The following TRIM29 variants were observed in gnomAD, a reference collection of about 807,000 sequenced individuals.
The protein encoded by TRIM29 is tripartite motif-containing protein 29.
A neutral mutation model predicts 57.3 loss-of-function variants in TRIM29; 52 were observed. That is an observed-to-expected ratio of 0.91 (90% CI 0.73 to 1.14). TRIM29 has a LOEUF of 1.14. Ranked by LOEUF, TRIM29 falls within the 50% of genes most tolerant of loss-of-function variation. The pLI, the probability that TRIM29 is intolerant of heterozygous loss-of-function variation, is 0.00. For missense variants in TRIM29, 753 were observed against 774.6 expected (o/e 0.97, Z 0.33); for synonymous variants, 319 against 316.9 (o/e 1.01, Z -0.07).
chr11:120,113,688 G>A (rs1398557308), intron 8 of TRIM29: 1 of 456,134 alleles, frequency 2.2e-6, no homozygotes, highest in African/African-American at 2.0e-5. Context: ...GAGACCCAGG[G>A]AGGGGTAAGA....
intron 1 of TRIM29, among the ~76,000 whole-genome samples, chr11:120,131,016 G>A (rs569802429): frequency 2.0e-5 from 3 of 152,306 alleles, no homozygotes; most frequent in African/African-American, 7.2e-5. Context: ...GGGAAGCGTA[G>A]CTCATGGATA....
intron 8 of TRIM29, among the ~76,000 whole-genome samples, chr11:120,113,296 T>C (rs1459111439): frequency 1.3e-5 from 2 of 152,152 alleles, no homozygotes; most frequent in East Asian, 1.9e-4. Context: ...TATCTCCCAG[T>C]AATTTCATGA....
At chr11:120,112,567 G>C in intron 8 of TRIM29, 91 bp from the exon 9 acceptor site, 1 of 1,406,180 alleles carries the variant, frequency 7.1e-7, no homozygotes. Flanking sequence ...TCAGGAGGCA[G>C]CAGTGATCCA....
chr11:120,125,873 A>C lies in TRIM29; in HGVS notation c.1151T>G (p.Met384Arg). 1 of 1,613,200 alleles carries C rather than the reference A, an allele frequency of 6.2e-7. No individual in the cohort carries two copies. The highest frequency in any genetic ancestry group is 1.3e-5 in the African/African-American group (1 of 75,028). The change falls in exon 4 of 9, where the codon ATG becomes AGG. Residue 384 changes from methionine (M) to arginine (R), a missense_variant. Coordinates refer to ENST00000341846, the MANE Select transcript of TRIM29 (RefSeq NM_012101.4). ...VLFLQEFGAL[M>R]SNYSLPPPLP... ...GGGTGGGGGGAGAGAGTAATTGCTCATCAATGCACCAAATTCCTACCAAGA... is the reference window on the plus strand; with the variant it reads ...GGGTGGGGGGAGAGAGTAATTGCTCCTCAATGCACCAAATTCCTACCAAGA...
Position 120,128,378 on chromosome 11 carries a change from G to C in TRIM29, c.900+22C>G, listed in dbSNP as rs773672823. On this transcript the variant is annotated intron_variant, in intron 2 of 8. Coordinates refer to ENST00000341846, the MANE Select transcript of TRIM29 (RefSeq NM_012101.4). ...GCCAGGTCGGGTAAGGGAGCAGCAAGGTGAGCTTGGGGGCTGCTCACCTTG... is the reference window on the plus strand; with the variant it reads ...GCCAGGTCGGGTAAGGGAGCAGCAACGTGAGCTTGGGGGCTGCTCACCTTG... 2.5e-6 allele frequency: 4 copies of C among 1,608,326 alleles called. No individual in the cohort carries two copies. In the South Asian group the frequency reaches 3.3e-5, roughly 13 times the overall value.
chr11:120,123,179 G>T, intron 4 of TRIM29, 124 bp from the exon 5 acceptor site: 1 of 707,342 alleles, frequency 1.4e-6, no homozygotes, highest in Non-Finnish European at 2.3e-6. Flanking sequence ...GCAGATCCAA[G>T]TTTCCCCAAC....
chr11:120,137,837 A>T lies in TRIM29; in HGVS notation c.195T>A (p.Gly65=). The part of the protein sequence containing the change: ...SLGSALKPGE[G]RSALFAGNEW... The stretch of plus-strand genomic sequence containing the variant: ...CATTGCCCGCGAACAGGGCGCTCCT[A>T]CCTTCCCCTGGCTTCAGGGCGCTGC... Residue 65 remains glycine, a synonymous_variant, in exon 1 of 9, where the codon GGT becomes GGA. Transcript: ENST00000341846. The surrounding 1 kb of genome is among the most constrained non-coding windows in gnomAD (Gnocchi z 6.2). 1 of 1,612,132 alleles carries T rather than the reference A, an allele frequency of 6.2e-7. No individual in the cohort carries two copies. The highest frequency in any genetic ancestry group is 8.5e-7 in the Non-Finnish European group (1 of 1,179,966).
In TRIM29 at chr11:120,125,712, C is replaced by T; in HGVS notation, c.1312G>A (p.Glu438Lys). The change falls in exon 4 of 9, where the codon GAG (glutamate) becomes AAG (lysine). Residue 438 changes from glutamate to lysine, a missense_variant. Physicochemically the swap from Glu to Lys is moderately conservative, Grantham distance 56. Coordinates refer to ENST00000341846, the MANE Select transcript of TRIM29 (RefSeq NM_012101.4). The part of the protein sequence containing the change: ...CKADLSRNFI[E>K]RNHMENGGDH... ...CTACCGTTCTCCATGTGGTTCCTCT[C>T]AATGAAGTTACGGCTCAGGTCCGCC... 1 of 1,614,132 alleles carries T rather than the reference C, an allele frequency of 6.2e-7. No homozygotes were observed. The highest frequency in any genetic ancestry group is 8.5e-7 in the Non-Finnish European group (1 of 1,180,024).
At chr11:120,129,011 G>C in intron 1 of TRIM29, 2 of 991,310 alleles carry the variant, frequency 2.0e-6, no homozygotes, top group Non-Finnish European at 2.7e-6. Flanking sequence ...GTCTGGGCAG[G>C]CACAGCTATA....
chr11:120,133,210 G>T (rs1175473392), intron 1 of TRIM29, among the ~76,000 whole-genome samples: 1 of 152,220 alleles, frequency 6.6e-6, no homozygotes, highest in South Asian at 2.1e-4. Context: ...AGCTGATTCT[G>T]GTCTGGGGAT....
chr11:120,118,146 G>T, intron 7 of TRIM29, 77 bp downstream of exon 7: 1 of 1,331,602 alleles, frequency 7.5e-7, no homozygotes, highest in Non-Finnish European at 1.1e-6. Context: ...TAGCAGCTCA[G>T]CGAAGAGACC....
In TRIM29 at chr11:120,112,589, T is replaced by C. The variant is rs573999608; in HGVS notation, c.1705-113A>G. On this transcript the variant is annotated intron_variant, in intron 8 of 8. Transcript: ENST00000341846. ...GCAGCAGTGATCCAAGACCCGACAA[T>C]TCTAGGGGCCTTTTTGGCCTGATCT... The C allele has an allele frequency of 1.3e-4, 152 of 1,130,808 alleles. No individual in the cohort carries two copies. The African/African-American group carries it at 2.3e-3, about 17-fold the overall frequency. 70.0% of individuals were successfully genotyped at this position (1,130,808 alleles called of 1,614,324 possible). A position where few individuals can be genotyped will look rare whatever the true frequency, so the allele number is the denominator to read the frequency against.
intron 1 of TRIM29, among the ~76,000 whole-genome samples, chr11:120,134,094 G>A (rs1361071957): frequency 1.3e-5 from 2 of 152,220 alleles, no homozygotes; most frequent in Non-Finnish European, 2.9e-5. Context: ...CCTAGCCTGG[G>A]AAGTGTTCAG....
At chr11:120,115,436 G>A in intron 7 of TRIM29, 22 bp from the exon 8 acceptor site, 1 of 1,610,126 alleles carries the variant, frequency 6.2e-7, no homozygotes, top group Non-Finnish European at 8.5e-7. Context: ...AGAGATTCAG[G>A]TCAAAGGGAG....
chr11:120,123,555 C>T, intron 4 of TRIM29: 1 of 420,278 alleles, frequency 2.4e-6, no homozygotes, highest in South Asian at 1.8e-5. Context: ...GGATGAGGTC[C>T]CAGTGTTGGC....
intron 3 of TRIM29, among the ~76,000 whole-genome samples, chr11:120,126,978 T>C (rs115599203): frequency 0.011 from 1,633 of 152,194 alleles, 33 homozygotes; most frequent in African/African-American, 0.036. Flanking sequence ...AGATCCAAGA[T>C]AACAAATATG....
Position 120,125,853 on chromosome 11 carries a change from G to C in TRIM29, c.1171C>G (p.Pro391Ala), listed in dbSNP as rs1198174074. 7 of 1,614,054 alleles carry C rather than the reference G, an allele frequency of 4.3e-6. No homozygotes were observed. The highest frequency in any genetic ancestry group is 5.1e-6 in the Non-Finnish European group (6 of 1,179,970). Reference sequence around the variant, plus strand: ...AGGACATGATAGGTGGGCAGGGGTGGGGGGAGAGAGTAATTGCTCATCAAT... The same window carrying C: ...AGGACATGATAGGTGGGCAGGGGTGCGGGGAGAGAGTAATTGCTCATCAAT... ...GALMSNYSLP[P>A]PLPTYHVLLE... The change falls in exon 4 of 9, where the codon CCA becomes GCA. Residue 391 changes from proline to alanine, a missense_variant. Coordinates refer to ENST00000341846, the MANE Select transcript of TRIM29 (RefSeq NM_012101.4).
Position 120,122,958 on chromosome 11 carries a change from G to A in TRIM29, c.1431C>T (p.Pro477=), listed in dbSNP as rs766575244. Residue 477 remains proline (P), a synonymous_variant, in exon 5 of 9, where the codon CCC becomes CCT. Transcript: ENST00000341846. ...GGGTGAGGGGCTCCCTCTTACCTTT[G>A]GGTGTCAGGTACATGGAGTATCTCT... ...TMKRYSMYLT[P]KGGVRTSYQP... 1 of 1,613,670 alleles carries A rather than the reference G, an allele frequency of 6.2e-7. No homozygotes were observed. Among genetic ancestry groups the A allele is most frequent in the South Asian group, 1.1e-5 (1 of 91,040 alleles).
At chr11:120,128,294 G>T in intron 2 of TRIM29, 106 bp downstream of exon 2, 1 of 864,460 alleles carries the variant, frequency 1.2e-6, no homozygotes, top group Non-Finnish European at 1.8e-6. Flanking sequence ...AAACATATTG[G>T]GATGTCTACG....
Sources: allele counts gnomAD v4.1 joint callset (sites outside exome capture counted in the v4.1 genomes callset), GRCh38; gene constraint gnomAD v4.1.1; non-coding constraint Gnocchi (gnomAD v3.1); transcripts MANE v1.5; gene names NCBI Gene and HGNC (gene_info 2026-07-23, HGNC 2026-07-21).